CHI3L2: variants seen among roughly 807,000 people sequenced by gnomAD.
CHI3L2 encodes the protein chitinase-3-like protein 2.
A neutral mutation model predicts 47.3 loss-of-function variants in CHI3L2; 47 were observed. The observed-to-expected ratio is 0.99, with a 90% CI of 0.79 to 1.27. The LOEUF (loss-of-function observed/expected upper bound fraction) is 1.27, where lower values mean the gene tolerates loss of function less well. Among genes scored for constraint, CHI3L2 ranks in the 50% most tolerant of loss-of-function variants. The pLI is 0.00. For synonymous variants in CHI3L2, 198 were observed against 169.9 expected (o/e 1.17, Z -1.28); for missense variants, 497 against 462.1 (o/e 1.08, Z -0.69).
chr1:111,237,087 C>A (rs1659908463), intron 7 of CHI3L2, among the ~76,000 whole-genome samples: 1 of 152,214 alleles, frequency 6.6e-6, no homozygotes, highest in Non-Finnish European at 1.5e-5. Context: ...AACAGTGATG[C>A]TATTCCCAGC....
intron 7 of CHI3L2, 21 bp from the exon 8 acceptor site, chr1:111,238,729 C>T: frequency 6.2e-7 from 1 of 1,612,524 alleles, no homozygotes; most frequent in South Asian, 1.1e-5. Context: ...CTCTGAGCCT[C>T]CATCTCTCTT....
chr1:111,229,703 A>AAAAAAAAAAAAAAC (rs1659650260), intron 1 of CHI3L2, 149 bp from the exon 2 acceptor site: 1 of 1,142,708 alleles, frequency 8.8e-7, no homozygotes, highest in Non-Finnish European at 1.1e-6. Flanking sequence ...AAAAAAAAAA[A>AAAAAAAAAAAAAAC]AAGAAACCAC....
rs569425094 is a variant in CHI3L2, at chr1:111,230,758, G to A, written c.87G>A (p.Leu29=). Residue 29 remains leucine (L), a synonymous_variant, in exon 3 of 11, where the codon CTG becomes CTA. Transcript: ENST00000369748. ...LLLQGGSAYK[L]VCYFTNWSQD... ...CTACTCCAGGATCTGCCTACAAACT[G>A]GTTTGCTACTTTACCAACTGGTCCC... 1 of 1,614,032 alleles carries A rather than the reference G, an allele frequency of 6.2e-7. No homozygotes were observed. Among genetic ancestry groups the A allele is most frequent in the Admixed American group, 1.7e-5 (1 of 60,020 alleles).
intron 7 of CHI3L2, 33 bp from the exon 8 acceptor site, chr1:111,238,717 C>T (rs1371898761): frequency 1.2e-6 from 2 of 1,607,290 alleles, no homozygotes; most frequent in Non-Finnish European, 8.5e-7. Context: ...TCTTTCCCCA[C>T]ACTCTGAGCC....
rs1659910143 is a variant in CHI3L2 at position 111,237,164 on chromosome 1, T to A, written c.735+1011T>A. Among the ~76,000 whole-genome samples the A allele has an allele frequency of 2.0e-5, 3 of 152,216 alleles. No homozygotes were observed. The South Asian group carries it at 6.2e-4, about 32-fold the overall frequency. Reference sequence around the variant, plus strand: ...ATGACTCCTAAACCATAACTTCTAATCTCATGGCTAATTTGTTAGTTCTAC... The same window carrying A: ...ATGACTCCTAAACCATAACTTCTAAACTCATGGCTAATTTGTTAGTTCTAC... On this transcript the variant is annotated intron_variant, in intron 7 of 10. Coordinates refer to ENST00000369748, the MANE Select transcript of CHI3L2 (RefSeq NM_004000.3).
chr1:111,235,352 T>G lies in CHI3L2; in HGVS notation c.481-287T>G, dbSNP rs545668797. The stretch of plus-strand genomic sequence containing the variant: ...AAGAGGGTGTAGCCATAGGATTTCC[T>G]GAGTACTGAGGTGGCCTCACAGAAG... On this transcript the variant is annotated intron_variant, in intron 5 of 10. Coordinates refer to ENST00000369748, the MANE Select transcript of CHI3L2 (RefSeq NM_004000.3). 3.3e-5 allele frequency among the ~76,000 whole-genome samples: 5 copies of G among 152,324 alleles called. No individual in the cohort carries two copies. The South Asian group carries it at 1.0e-3, about 32-fold the overall frequency.
intron 8 of CHI3L2, among the ~76,000 whole-genome samples, chr1:111,240,898 A>G (rs1020112344): frequency 6.6e-6 from 1 of 152,240 alleles, no homozygotes; most frequent in African/African-American, 2.4e-5. Flanking sequence ...ATAATACTTC[A>G]CTTTAGAAGT....
intron 4 of CHI3L2, among the ~76,000 whole-genome samples, chr1:111,233,232 C>G (rs1659777939): frequency 6.6e-6 from 1 of 152,108 alleles, no homozygotes; most frequent in Admixed American, 6.6e-5. Flanking sequence ...CATCAGAAAT[C>G]CCGGGGGTGG....
intron 10 of CHI3L2, 128 bp from the exon 11 acceptor site, chr1:111,243,089 C>A (rs957794418): frequency 7.4e-5 from 33 of 446,426 alleles, no homozygotes; most frequent in African/African-American, 4.0e-4. Context: ...GGCCTAGAAC[C>A]ATTTGAAAAC....
intron 10 of CHI3L2, 118 bp downstream of exon 10, chr1:111,242,484 C>A: frequency 8.7e-7 from 1 of 1,152,276 alleles, no homozygotes; most frequent in Non-Finnish European, 1.2e-6. Flanking sequence ...TCCTTTGGCT[C>A]TTCTGCCATG....
At chr1:111,240,665 A>G (rs911203765) in intron 8 of CHI3L2, among the ~76,000 whole-genome samples, 1 of 152,238 alleles carries the variant, frequency 6.6e-6, no homozygotes, top group South Asian at 2.1e-4. Context: ...AGTTCATCCA[A>G]AAAGAGTAAT....
At chr1:111,231,165 A>G in intron 3 of CHI3L2, 73 bp from the exon 4 acceptor site, 1 of 1,325,390 alleles carries the variant, frequency 7.5e-7, no homozygotes, top group Non-Finnish European at 1.1e-6. Flanking sequence ...TCTACACTTA[A>G]GAACTCTGTT....
chr1:111,227,692 C>T, upstream of CHI3L2: 1 of 1,610,532 alleles, frequency 6.2e-7, no homozygotes, highest in Non-Finnish European at 8.5e-7. Flanking sequence ...GATAAAAGAC[C>T]TAGAGAATGT....
intron 7 of CHI3L2, 76 bp from the exon 8 acceptor site, chr1:111,238,674 T>A (rs1449433916): frequency 1.3e-6 from 2 of 1,484,902 alleles, no homozygotes; most frequent in African/African-American, 2.8e-5. Flanking sequence ...TCTGTGAAGT[T>A]TGGGATAGAG....
chr1:111,242,588 T>A (rs892403660), intron 10 of CHI3L2: 14 of 383,432 alleles, frequency 3.7e-5, no homozygotes, highest in Non-Finnish European at 5.0e-5. Context: ...TTGGCTACCA[T>A]TTATTGAGCA....
chr1:111,235,946 C>A, intron 6 of CHI3L2, 78 bp from the exon 7 acceptor site: 4 of 1,580,942 alleles, frequency 2.5e-6, no homozygotes, highest in South Asian at 1.2e-5. Context: ...CAGCATCATT[C>A]AAAGCCAAAA....
chr1:111,227,781 G>A lies in CHI3L2; in HGVS notation c.40+12G>A, dbSNP rs756757885. On this transcript the variant is annotated intron_variant, in intron 1 of 10. Coordinates refer to ENST00000369748, the MANE Select transcript of CHI3L2 (RefSeq NM_004000.3). ...GTCTCTCTGGGCAGGTGAGCATGGG[G>A]TTGATAATTCAGCAGGAAATTTGGT... 1.8e-5 allele frequency: 29 copies of A among 1,613,902 alleles called. No homozygotes were observed. The South Asian group carries it at 3.0e-4, about 16-fold the overall frequency.
rs112067317 is a variant in CHI3L2, at chr1:111,241,966, C to T, written c.1036-261C>T. On this transcript the variant is annotated intron_variant, in intron 9 of 10. Transcript: ENST00000369748. ...TGTTAAGGGCTTCCTAGTTTCTTCC[C>T]TTATTATGGAGAGTTTTCTCAGCCT... 4.8e-3 allele frequency among the ~76,000 whole-genome samples: 728 copies of T among 152,248 alleles called. 8 individuals are homozygous for T. The highest frequency in any genetic ancestry group is 0.017 in the African/African-American group (704 of 41,526).
intron 7 of CHI3L2, among the ~76,000 whole-genome samples, chr1:111,237,297 T>G (rs772375333): frequency 6.6e-6 from 1 of 152,264 alleles, no homozygotes; most frequent in Admixed American, 6.5e-5. Context: ...CAAATTGAGT[T>G]GGCTTACACC....
Sources: allele counts gnomAD v4.1 joint callset (sites outside exome capture counted in the v4.1 genomes callset), GRCh38; gene constraint gnomAD v4.1.1; transcripts MANE v1.5; gene names NCBI Gene and HGNC (gene_info 2026-07-23, HGNC 2026-07-21).